The following RSPH3 variants were observed in gnomAD, a reference collection of about 807,000 sequenced individuals.
The protein encoded by RSPH3 is radial spoke head 3.
Under a neutral mutation model 43.8 loss-of-function variants are expected in RSPH3, and 21 were observed. That is an observed-to-expected ratio of 0.48 (90% CI 0.34 to 0.69). The LOEUF (loss-of-function observed/expected upper bound fraction) is 0.69, where lower values mean the gene tolerates loss of function less well. Among genes scored for constraint, RSPH3 ranks in the 30% least tolerant of loss-of-function variants. RSPH3 has a pLI of 0.01. For synonymous variants in RSPH3, 173 were observed against 179.8 expected, an observed-to-expected ratio of 0.96 and a Z score of 0.30; for missense variants, 487 against 516.0, an observed-to-expected ratio of 0.94 and a Z score of 0.54.
intron 6 of RSPH3, 77 bp downstream of exon 6, chr6:158,980,697 A>T (rs1386972708): frequency 1.7e-6 from 2 of 1,195,062 alleles, no homozygotes; most frequent in Non-Finnish European, 2.4e-6. Context: ...CAAAATAAAA[A>T]TGGACATAAG....
chr6:158,978,299 T>G lies in RSPH3; in HGVS notation c.907A>C (p.Thr303Pro), dbSNP rs781417436. ...CTTCCCACCATGCTATATTCCATGGTTTTTTCAACTTCATTCATTAGCCAT... is the reference window on the plus strand; with the variant it reads ...CTTCCCACCATGCTATATTCCATGGGTTTTTCAACTTCATTCATTAGCCAT... ...LPWLMNEVEK[T>P]MEYSMVGRTV... Residue 303 changes from threonine to proline, a missense_variant, in exon 7 of 8, where the codon ACC (threonine) becomes CCC (proline). Transcript: ENST00000367069. 6.3e-7 allele frequency: 1 copy of G among 1,583,022 alleles called. No homozygotes were observed. Among genetic ancestry groups the G allele is most frequent in the Non-Finnish European group, 8.7e-7 (1 of 1,153,528 alleles).
chr6:158,978,272 T>C lies in RSPH3; in HGVS notation c.934A>G (p.Thr312Ala). The change falls in exon 7 of 8, where the codon ACA becomes GCA. Residue 312 changes from threonine (T) to alanine (A), a missense_variant. Transcript: ENST00000367069. ...KTMEYSMVGR[T>A]VLDMLIREVV... is the part of the protein sequence containing the mutation. ...TAAAATAACTTACTGTCAAGCACTG[T>C]TCTTCCCACCATGCTATATTCCATG... 1 of 1,568,762 alleles carries C rather than the reference T, an allele frequency of 6.4e-7. No individual in the cohort carries two copies. The highest frequency in any genetic ancestry group is 1.7e-5 in the Admixed American group (1 of 59,436).
downstream of RSPH3, among the ~76,000 whole-genome samples, chr6:158,968,829 A>G (rs1777660651): frequency 6.6e-6 from 1 of 151,866 alleles, no homozygotes; most frequent in African/African-American, 2.4e-5. Context: ...CTCCTGCCTT[A>G]GCCTCCCGAG....
intron 2 of RSPH3, among the ~76,000 whole-genome samples, chr6:158,987,918 A>G (rs1217434694): frequency 6.6e-6 from 1 of 152,182 alleles, no homozygotes; most frequent in Non-Finnish European, 1.5e-5. Flanking sequence ...TTATAGTATG[A>G]GAGTATTCTA....
rs1473488631 is a variant in RSPH3 at position 158,975,099 on chromosome 6, A to G, written c.*2439T>C. On this transcript the variant is annotated 3_prime_UTR_variant, in exon 8 of 8. Transcript: ENST00000367069. ...TGTGATCCGCCTGCCTCGGCCTCCCAAAGTGCTGGGATTACAGGTGCAAGC... is the reference window on the plus strand; with the variant it reads ...TGTGATCCGCCTGCCTCGGCCTCCCGAAGTGCTGGGATTACAGGTGCAAGC... The G allele has an allele frequency of 6.6e-6, 1 of 152,166 alleles. No individual in the cohort carries two copies. Among genetic ancestry groups the G allele is most frequent in the African/African-American group, 2.4e-5 (1 of 41,438 alleles). 9.4% of individuals were successfully genotyped at this position (152,166 alleles called of 1,614,324 possible). A position where few individuals can be genotyped will look rare whatever the true frequency, so the allele number is the denominator to read the frequency against.
At chr6:158,968,558 A>G (rs548731568), downstream of RSPH3, among the ~76,000 whole-genome samples, 1 of 152,182 alleles carries the variant, frequency 6.6e-6, no homozygotes, top group Admixed American at 6.5e-5. Flanking sequence ...TTGTAAAAAG[A>G]TACTTTCTTA....
In RSPH3 at chr6:158,973,480, T is replaced by C. The variant is rs566786837; in HGVS notation, c.*4058A>G. On this transcript the variant is annotated 3_prime_UTR_variant, in exon 8 of 8. Coordinates refer to ENST00000367069, the MANE Select transcript of RSPH3 (RefSeq NM_031924.8). ...TTTTAATGGAATTATAGGCTCCAAA[T>C]ACTTTCTTCTGCAAGTTACCCACCC... The C allele has an allele frequency of 1.2e-3, 181 of 152,364 alleles. No individual in the cohort carries two copies. The highest frequency in any genetic ancestry group is 3.8e-3 in the African/African-American group (158 of 41,590). The allele number at this position is 152,364 out of a possible 1,614,324, so 9.4% of individuals were successfully genotyped here. A position where few individuals can be genotyped will look rare whatever the true frequency, so the allele number is the denominator to read the frequency against.
At chr6:158,966,196 C>T in the RSPH3 span, among the ~76,000 whole-genome samples, 1 of 151,788 alleles carries the variant, frequency 6.6e-6, no homozygotes, top group African/African-American at 2.4e-5. Flanking sequence ...TGGATAAATC[C>T]CACTTGGTCA....
At chr6:158,998,973 C>T (rs546984486) in intron 1 of RSPH3, among the ~76,000 whole-genome samples, 1 of 152,156 alleles carries the variant, frequency 6.6e-6, no homozygotes, top group Non-Finnish European at 1.5e-5. Context: ...CAAAGCCTGC[C>T]GAAGAGATTT....
rs778661797 is a variant in RSPH3, at chr6:158,999,924, C to T, written c.-374G>A. Reference sequence around the variant, plus strand: ...CGCGCCACCCAGGTAGGTGCGCCTGCGCTTTGCGAGGTTCCTGGCTAGGGA... The same window carrying T: ...CGCGCCACCCAGGTAGGTGCGCCTGTGCTTTGCGAGGTTCCTGGCTAGGGA... On this transcript the variant is annotated 5_prime_UTR_variant, in exon 1 of 8. Transcript: ENST00000367069. The T allele has an allele frequency of 7.4e-6, 12 of 1,611,360 alleles. No individual in the cohort carries two copies. The highest frequency in any genetic ancestry group is 3.3e-5 in the Admixed American group (2 of 59,806).
chr6:158,990,418 C>T (rs1778368970), intron 2 of RSPH3: 1 of 152,054 alleles, frequency 6.6e-6, no homozygotes, highest in African/African-American at 2.4e-5. Context: ...TACATTTGTT[C>T]TTGATTTTCT....
chr6:158,993,887 G>C lies in RSPH3; in HGVS notation c.156C>G (p.Asp52Glu), dbSNP rs139235571. Residue 52 changes from aspartate (D) to glutamate (E), a missense_variant, in exon 2 of 8, where the codon GAC becomes GAG. Physicochemically the swap from Asp to Glu is conservative, Grantham distance 45. Coordinates refer to ENST00000367069, the MANE Select transcript of RSPH3 (RefSeq NM_031924.8). ...EPMHYGNIMY[D>E]RRVIRGNTYA... is the part of the protein sequence containing the mutation. ...AAGTGTTACCTCGAATTACCCTTCTGTCATACATTATGTTTCCATAATGCA... is the reference window on the plus strand; with the variant it reads ...AAGTGTTACCTCGAATTACCCTTCTCTCATACATTATGTTTCCATAATGCA... The C allele has an allele frequency of 1.9e-6, 3 of 1,612,060 alleles. No homozygotes were observed. The African/African-American group carries it at 4.0e-5, about 22-fold the overall frequency.
Position 158,980,874 on chromosome 6 carries a change from G to A in RSPH3, c.759C>T (p.Ile253=), listed in dbSNP as rs1206690782. ...AACGCTGTGCAAATGCTCGGGCGGCGATTTTTTGTGATGTCTCGTTGTGCT... is the reference window on the plus strand; with the variant it reads ...AACGCTGTGCAAATGCTCGGGCGGCAATTTTTTGTGATGTCTCGTTGTGCT... ...MHKHNETSQK[I]AARAFAQRYL... is the part of the protein sequence containing the mutation. Residue 253 remains isoleucine, a synonymous_variant, in exon 6 of 8, where the codon ATC becomes ATT. Coordinates refer to ENST00000367069, the MANE Select transcript of RSPH3 (RefSeq NM_031924.8). 2 of 1,614,008 alleles carry A rather than the reference G, an allele frequency of 1.2e-6. No homozygotes were observed. Among genetic ancestry groups the A allele is most frequent in the Non-Finnish European group, 8.5e-7 (1 of 1,180,008 alleles).
rs761767781 is a variant in RSPH3, at chr6:158,999,986, C to T, written c.-436G>A. 3.2e-6 allele frequency: 5 copies of T among 1,570,806 alleles called. No individual in the cohort carries two copies. Among genetic ancestry groups the T allele is most frequent in the Non-Finnish European group, 4.3e-6 (5 of 1,157,386 alleles). On this transcript the variant is annotated 5_prime_UTR_variant, in exon 1 of 8. Coordinates refer to ENST00000367069, the MANE Select transcript of RSPH3 (RefSeq NM_031924.8). ...CTGGCTTGACCGTCATCCTTGAGGC[C>T]TGCGGGGCAACGGTGGCTGTCCTTG...
chr6:158,976,360 C>G lies in RSPH3; in HGVS notation c.*1178G>C, dbSNP rs1332839119. The G allele has an allele frequency of 6.6e-6, 1 of 152,106 alleles. No homozygotes were observed. Among genetic ancestry groups the G allele is most frequent in the Non-Finnish European group, 1.5e-5 (1 of 67,998 alleles). The allele number at this position is 152,106 out of a possible 1,614,324, so 9.4% of individuals were successfully genotyped here. A position where few individuals can be genotyped will look rare whatever the true frequency, so the allele number is the denominator to read the frequency against. On this transcript the variant is annotated 3_prime_UTR_variant, in exon 8 of 8. Transcript: ENST00000367069. Reference sequence around the variant, plus strand: ...GATTAAAAAGTCAAATGTTAATTCCCTATGCTACAGCACAGTCATAATATG... The same window carrying G: ...GATTAAAAAGTCAAATGTTAATTCCGTATGCTACAGCACAGTCATAATATG...
rs758580508 is a variant in RSPH3, at chr6:158,978,286, C to T, written c.920G>A (p.Ser307Asn). The T allele has an allele frequency of 6.3e-6, 10 of 1,583,186 alleles. No homozygotes were observed. Among genetic ancestry groups the T allele is most frequent in the South Asian group, 4.4e-5 (4 of 90,226 alleles). Residue 307 changes from serine (S) to asparagine (N), a missense_variant, in exon 7 of 8, where the codon AGC (serine) becomes AAC (asparagine). Coordinates refer to ENST00000367069, the MANE Select transcript of RSPH3 (RefSeq NM_031924.8). Reference protein sequence around the residue: ...MNEVEKTMEYSMVGRTVLDML... With the variant: ...MNEVEKTMEYNMVGRTVLDML... ...GTCAAGCACTGTTCTTCCCACCATG[C>T]TATATTCCATGGTTTTTTCAACTTC...
At chr6:158,964,100 G>A in the RSPH3 span, among the ~76,000 whole-genome samples, 1 of 152,044 alleles carries the variant, frequency 6.6e-6, no homozygotes, top group Non-Finnish European at 1.5e-5. Flanking sequence ...AAGACTTTTG[G>A]GTTCCACAGA....
the RSPH3 span, among the ~76,000 whole-genome samples, chr6:158,964,644 C>A: frequency 6.6e-6 from 1 of 151,842 alleles, no homozygotes; most frequent in African/African-American, 2.4e-5. Flanking sequence ...CTCTTTAAAC[C>A]CTTTACTCAT....
intron 2 of RSPH3, among the ~76,000 whole-genome samples, chr6:158,993,123 G>C (rs12190146): frequency 0.11 from 17,315 of 151,730 alleles, 1,715 homozygotes; most frequent in East Asian, 0.42. Flanking sequence ...TGAAAAATTG[G>C]GGCTTTTTTT....
Sources: gnomAD v4.1 joint callset for allele counts (sites outside exome capture counted in the v4.1 genomes callset) on GRCh38, gnomAD v4.1.1 for gene constraint, MANE v1.5 for transcripts, NCBI Gene and HGNC (gene_info 2026-07-23, HGNC 2026-07-21) for gene names.